B3GALNT2: variants seen among roughly 807,000 people sequenced by gnomAD.
B3GALNT2 encodes beta-1,3-N-acetylgalactosaminyltransferase 2.
A neutral mutation model predicts 61.1 loss-of-function variants in B3GALNT2; 53 were observed. That is an observed-to-expected ratio of 0.87 (90% CI 0.70 to 1.09). The LOEUF is 1.09. B3GALNT2 is among the 50% of genes least tolerant of loss of function. The pLI is 0.00. For synonymous variants in B3GALNT2, 223 were observed against 237.4 expected (o/e 0.94, Z 0.56); for missense variants, 544 against 623.0 (o/e 0.87, Z 1.35).
intron 1 of B3GALNT2, chr1:235,496,209 G>A: frequency 5.0e-6 from 1 of 201,936 alleles, no homozygotes; most frequent in South Asian, 5.6e-5. Context: ...TACTTGGGAG[G>A]CTGAGGCAGG....
chr1:235,504,211 C>A lies in B3GALNT2; in HGVS notation c.42G>T (p.Gly14=). The A allele has an allele frequency of 6.8e-7, 1 of 1,460,324 alleles. No homozygotes were observed. The highest frequency in any genetic ancestry group is 2.4e-4 in the Middle Eastern group (1 of 4,232). The allele number at this position is 1,460,324 out of a possible 1,614,324, so 90.5% of individuals were successfully genotyped here. The part of the protein sequence containing the change: ...WLVLLCPCVL[G]AALHLWLRLR... ...GCCGCAGCCAGAGGTGCAGCGCGGCCCCGAGCACACACGGGCACAGCAGCA... is the reference window on the plus strand; with the variant it reads ...GCCGCAGCCAGAGGTGCAGCGCGGCACCGAGCACACACGGGCACAGCAGCA... Residue 14 remains glycine, a synonymous_variant, in exon 1 of 12, where the codon GGG becomes GGT. Transcript: ENST00000366600.
At position 235,480,905 on chromosome 1, in the gene B3GALNT2, C is replaced by CAAAAAAAAA. The variant is rs55666590; in HGVS notation, c.556-765_556-757dup. On this transcript the variant is annotated intron_variant, in intron 4 of 11. Coordinates refer to ENST00000366600, the MANE Select transcript of B3GALNT2 (RefSeq NM_152490.5). ...TGGACCGCAGAGCCAGACTCTGTCTCAAAAAAAAAAAAAAAAAAAAAAAAA... is the reference window on the plus strand; with the variant it reads ...TGGACCGCAGAGCCAGACTCTGTCTCAAAAAAAAAAAAAAAAAAAAAAAAAAAAAAAAAA... Among the ~76,000 whole-genome samples, 4 of 31,172 alleles carry CAAAAAAAAA rather than the reference C, an allele frequency of 1.3e-4. 1 individual carries two copies. Among genetic ancestry groups the CAAAAAAAAA allele is most frequent in the Non-Finnish European group, 2.2e-4 (4 of 18,450 alleles). 20.5% of individuals were successfully genotyped at this position (31,172 alleles called of 152,430 possible).
chr1:235,498,163 C>T (rs1295476641), intron 1 of B3GALNT2, among the ~76,000 whole-genome samples: 3 of 152,130 alleles, frequency 2.0e-5, no homozygotes, highest in Non-Finnish European at 4.4e-5. Context: ...CAGTACAAAA[C>T]CCAAAGCAGA....
At position 235,484,942 on chromosome 1, in the gene B3GALNT2, T is replaced by C. The variant is rs115275678; in HGVS notation, c.362-427A>G. Reference sequence around the variant, plus strand: ...TGCAAATTCCAAAAATCCTACTTCTTGTTAGGCAATTTAAAATACTTGTGA... The same window carrying C: ...TGCAAATTCCAAAAATCCTACTTCTCGTTAGGCAATTTAAAATACTTGTGA... On this transcript the variant is annotated intron_variant, in intron 3 of 11. Transcript: ENST00000366600. Among the ~76,000 whole-genome samples the C allele has an allele frequency of 3.7e-3, 568 of 152,348 alleles. 3 individuals carry two copies. The highest frequency in any genetic ancestry group is 0.013 in the African/African-American group (541 of 41,580).
chr1:235,482,988 T>C (rs1276516269), intron 4 of B3GALNT2, among the ~76,000 whole-genome samples: 3 of 152,204 alleles, frequency 2.0e-5, no homozygotes, highest in Non-Finnish European at 4.4e-5. Context: ...GCTGCTGTTA[T>C]AACTATGGTC....
In B3GALNT2 at chr1:235,504,342, C is replaced by T; in HGVS notation, c.-90G>A. 1 of 1,368,522 alleles carries T rather than the reference C, an allele frequency of 7.3e-7. No homozygotes were observed. Among genetic ancestry groups the T allele is most frequent in the Non-Finnish European group, 9.6e-7 (1 of 1,040,434 alleles). 84.8% of individuals were successfully genotyped at this position (1,368,522 alleles called of 1,614,324 possible). A position where few individuals can be genotyped will look rare whatever the true frequency, so the allele number is the denominator to read the frequency against. On this transcript the variant is annotated 5_prime_UTR_variant, in exon 1 of 12. Coordinates refer to ENST00000366600, the MANE Select transcript of B3GALNT2 (RefSeq NM_152490.5). ...GCGGAGACTGAGGGGCGGCGGCTGA[C>T]GAGCGACCACTCCGAGCACGCCCGC...
chr1:235,499,764 T>C (rs1018432211), intron 1 of B3GALNT2, among the ~76,000 whole-genome samples: 1 of 152,096 alleles, frequency 6.6e-6, no homozygotes, highest in South Asian at 2.1e-4. Context: ...ACAGATGGAG[T>C]TGGAAAACCC....
At chr1:235,476,248 A>G (rs1223378735) in intron 5 of B3GALNT2, among the ~76,000 whole-genome samples, 1 of 152,080 alleles carries the variant, frequency 6.6e-6, no homozygotes, top group East Asian at 1.9e-4. Flanking sequence ...CGTCTGTACT[A>G]AAAATACAAA....
intron 8 of B3GALNT2, among the ~76,000 whole-genome samples, chr1:235,456,485 T>C (rs1319273209): frequency 6.6e-6 from 1 of 152,240 alleles, no homozygotes; most frequent in Non-Finnish European, 1.5e-5. Flanking sequence ...ACCCCATGTT[T>C]CTAAAGTTTA....
intron 7 of B3GALNT2, chr1:235,464,813 A>G (rs939240139): frequency 6.6e-6 from 1 of 152,198 alleles, no homozygotes; most frequent in African/African-American, 2.4e-5. Context: ...CAATAAGCAC[A>G]TGAAGAAAAT....
intron 4 of B3GALNT2, among the ~76,000 whole-genome samples, 199 bp from the exon 5 acceptor site, chr1:235,480,348 T>C (rs978442493): frequency 1.3e-5 from 2 of 152,008 alleles, no homozygotes; most frequent in Non-Finnish European, 2.9e-5. Context: ...ATATTTAAGG[T>C]AATCAAAGTT....
At chr1:235,440,765 C>T in the B3GALNT2 span, 1 of 152,146 alleles carries the variant, frequency 6.6e-6, no homozygotes, top group African/African-American at 2.4e-5. Context: ...TGTAGTTCTG[C>T]AGTAAGCTCT....
intron 2 of B3GALNT2, among the ~76,000 whole-genome samples, chr1:235,490,089 A>G (rs187004123): frequency 3.2e-4 from 49 of 152,072 alleles, no homozygotes; most frequent in Non-Finnish European, 6.6e-4. Flanking sequence ...CAGCTTGTCC[A>G]CTGAGAGTGG....
chr1:235,475,898 G>A (rs2382811), intron 5 of B3GALNT2, among the ~76,000 whole-genome samples: 13,048 of 152,034 alleles, frequency 0.086, 1,472 homozygotes, highest in East Asian at 0.49. Context: ...AAGTTGCCCA[G>A]GCTGGTCGTC....
chr1:235,458,743 T>C lies in B3GALNT2; in HGVS notation c.885A>G (p.Arg295=), dbSNP rs572110602. ...LLHNLHSRPQ[R]LIDHIRNLHE... ...GGAGATTCCTTATATGATCAATAAG[T>C]CTTTGAGGGCGAGAATGAAGGTTGT... The change falls in exon 8 of 12, where the codon AGA becomes AGG. Residue 295 remains arginine, a synonymous_variant. Transcript: ENST00000366600. 5 of 1,606,782 alleles carry C rather than the reference T, an allele frequency of 3.1e-6. No homozygotes were observed. The South Asian group carries it at 5.6e-5, about 18-fold the overall frequency.
At chr1:235,496,571 G>A (rs1685333732) in intron 1 of B3GALNT2, among the ~76,000 whole-genome samples, 1 of 145,440 alleles carries the variant, frequency 6.9e-6, no homozygotes, top group African/African-American at 2.6e-5. Flanking sequence ...TTTTGACGGA[G>A]TCCCACTCTG....
At chr1:235,446,090 G>A (rs748777350), downstream of B3GALNT2, among the ~76,000 whole-genome samples, 3 of 152,208 alleles carry the variant, frequency 2.0e-5, no homozygotes, top group Non-Finnish European at 4.4e-5. Context: ...TATGGCTAGA[G>A]GACATGGCAT....
At chr1:235,454,381 G>A (rs1217109587) in intron 9 of B3GALNT2, 66 bp from the exon 10 acceptor site, 4 of 1,424,176 alleles carry the variant, frequency 2.8e-6, no homozygotes, top group Non-Finnish European at 2.9e-6. Context: ...ATTAAAACTT[G>A]ACTCCTTTAT....
chr1:235,442,008 A>T, the B3GALNT2 span: 21,207 of 596,046 alleles, frequency 0.036, 553 homozygotes, highest in African/African-American at 0.14. Flanking sequence ...TTAAATGAAA[A>T]TTTTTTTTTT....
Sources: allele counts gnomAD v4.1 joint callset (sites outside exome capture counted in the v4.1 genomes callset), GRCh38; gene constraint gnomAD v4.1.1; transcripts MANE v1.5; gene names NCBI Gene and HGNC (gene_info 2026-07-23, HGNC 2026-07-21).